ACTN1: variants seen among roughly 807,000 people sequenced by gnomAD.
The protein encoded by ACTN1 is actinin alpha 1.
A neutral mutation model predicts 119.6 loss-of-function variants in ACTN1; 30 were observed. The ratio of observed to expected loss-of-function variants is 0.25; its 90% confidence interval spans 0.19 to 0.34. The LOEUF (loss-of-function observed/expected upper bound fraction) is 0.34. ACTN1 is among the 10% of genes least tolerant of loss of function. ACTN1 has a pLI of 1.00. For synonymous variants in ACTN1, 429 were observed against 472.6 expected, an observed-to-expected ratio of 0.91 and a Z score of 1.20; for missense variants, 764 against 1,223.4, an observed-to-expected ratio of 0.62 and a Z score of 5.60.
At chr14:68,945,174 A>AAAAGAAAGAAAG (rs113626109) in intron 1 of ACTN1, among the ~76,000 whole-genome samples, 1 of 150,664 alleles carries the variant, frequency 6.6e-6, no homozygotes, top group African/African-American at 2.5e-5. Flanking sequence ...AAAAAAAAAA[A>AAAAGAAAGAAAG]AAAGAAAGAA....
intron 8 of ACTN1, among the ~76,000 whole-genome samples, chr14:68,902,232 G>A (rs2033388885): frequency 6.6e-6 from 1 of 152,214 alleles, no homozygotes; most frequent in African/African-American, 2.4e-5. Context: ...AGTCATCTGG[G>A]TCCCAGAAAG....
At chr14:68,896,705 G>C (rs910453601) in intron 8 of ACTN1, among the ~76,000 whole-genome samples, 2 of 152,180 alleles carry the variant, frequency 1.3e-5, no homozygotes, top group Non-Finnish European at 2.9e-5. Context: ...CTTCAGAAGA[G>C]AACCCCGGGA....
chr14:68,875,000 G>C lies in ACTN1; in HGVS notation c.2604C>G (p.Asp868Glu). Residue 868 changes from aspartate to glutamate, a missense_variant, in exon 22 of 22, where the codon GAC becomes GAG. Transcript: ENST00000394419. ...LAGDKNYITM[D>E]ELRRELPPDQ... is the part of the protein sequence containing the mutation. ...CGGGTGGCAGCTCGCGGCGCAGCTCGTCCATGGTAATGTAGTTCTGCGAGG... is the reference window on the plus strand; with the variant it reads ...CGGGTGGCAGCTCGCGGCGCAGCTCCTCCATGGTAATGTAGTTCTGCGAGG... 1 of 1,613,518 alleles carries C rather than the reference G, an allele frequency of 6.2e-7. No homozygotes were observed. The highest frequency in any genetic ancestry group is 8.5e-7 in the Non-Finnish European group (1 of 1,180,008).
At chr14:68,908,436 T>G (rs926396309) in intron 6 of ACTN1, among the ~76,000 whole-genome samples, 2 of 151,924 alleles carry the variant, frequency 1.3e-5, no homozygotes, top group Admixed American at 1.3e-4. Flanking sequence ...AGCATCAAGG[T>G]GAAGTAGAGA....
chr14:68,883,764 T>G (rs953403518), intron 14 of ACTN1, among the ~76,000 whole-genome samples: 1 of 152,018 alleles, frequency 6.6e-6, no homozygotes, highest in Non-Finnish European at 1.5e-5. Context: ...GGTGACAGAG[T>G]GAGACCTTGT....
At position 68,882,488 on chromosome 14, in the gene ACTN1, G is replaced by A; in HGVS notation, c.1923C>T (p.Val641=). Residue 641 remains valine (V), a synonymous_variant, in exon 16 of 22, where the codon GTC becomes GTT. Transcript: ENST00000394419. This position sits in a 1 kb window ranked among gnomAD's most constrained non-coding sequence, Gnocchi z 4.5. The part of the protein sequence containing the change: ...LRKQFGAQAN[V]IGPWIQTKME... ...TCTTGGTCTGGATCCAGGGCCCGAT[G>A]ACATTGGCCTGGGCTCCAAACTGCT... The A allele has an allele frequency of 1.9e-6, 3 of 1,614,194 alleles. No homozygotes were observed. The highest frequency in any genetic ancestry group is 2.5e-6 in the Non-Finnish European group (3 of 1,180,030).
chr14:68,899,393 ACCT>A (rs1357176517), intron 8 of ACTN1, among the ~76,000 whole-genome samples: 3 of 143,022 alleles, frequency 2.1e-5, no homozygotes, highest in African/African-American at 5.3e-5. Context: ...TCATACACAC[ACCT>A]CACACACTAC....
chr14:68,962,997 T>C (rs2036588721), intron 1 of ACTN1, among the ~76,000 whole-genome samples: 1 of 152,166 alleles, frequency 6.6e-6, no homozygotes, highest in Middle Eastern at 3.4e-3. Context: ...CTCCCAAATA[T>C]CTTTCACTCC....
chr14:68,963,456 C>CTTTT (rs1278438718), intron 1 of ACTN1, among the ~76,000 whole-genome samples: 1 of 152,220 alleles, frequency 6.6e-6, no homozygotes, highest in Non-Finnish European at 1.5e-5. Context: ...GAAATGTCAA[C>CTTTT]TTTAAAAAAA....
chr14:68,902,835 A>C (rs188056038), intron 7 of ACTN1, among the ~76,000 whole-genome samples: 1 of 152,292 alleles, frequency 6.6e-6, no homozygotes, highest in East Asian at 1.9e-4. Flanking sequence ...GGCAGGAATA[A>C]AAGGGGTCAA....
chr14:68,940,377 A>C (rs1301649774), intron 1 of ACTN1, among the ~76,000 whole-genome samples: 1 of 152,184 alleles, frequency 6.6e-6, no homozygotes, highest in Non-Finnish European at 1.5e-5. Context: ...GGGGTCTGGC[A>C]GACTCTGGCC....
chr14:68,878,682 G>A lies in ACTN1; in HGVS notation c.2362-159C>T, dbSNP rs770524872. ...GGTAAAGGAACATAGGAGAAGATGCGAACACACATCGGTGGAAATGTCCAA... is the reference window on the plus strand; with the variant it reads ...GGTAAAGGAACATAGGAGAAGATGCAAACACACATCGGTGGAAATGTCCAA... On this transcript the variant is annotated intron_variant, in intron 19 of 21. Transcript: ENST00000394419. The surrounding 1 kb of genome is among the most constrained non-coding windows in gnomAD (Gnocchi z 4.4). 19 of 1,540,276 alleles carry A rather than the reference G, an allele frequency of 1.2e-5. No homozygotes were observed. In the South Asian group the frequency reaches 1.3e-4, roughly 11 times the overall value.
In ACTN1 at chr14:68,897,011, C is replaced by A. The variant is rs554197429; in HGVS notation, c.763-3264G>T. On this transcript the variant is annotated intron_variant, in intron 8 of 21. Transcript: ENST00000394419. ...GTTTTTTTGTTTTTTGAGACAGAAT[C>A]TTGCTCTGTCACCCAGGCTGGAGTG... Among the ~76,000 whole-genome samples, 8 of 152,278 alleles carry A rather than the reference C, an allele frequency of 5.3e-5. No homozygotes were observed. In the East Asian group the frequency reaches 1.5e-3, roughly 29 times the overall value.
intron 6 of ACTN1, among the ~76,000 whole-genome samples, chr14:68,906,530 A>G (rs1193047347): frequency 1.3e-5 from 2 of 152,208 alleles, no homozygotes; most frequent in Non-Finnish European, 2.9e-5. Context: ...GAGGATGAAC[A>G]CTGCCGAGTA....
In ACTN1 at chr14:68,879,089, G is replaced by C; in HGVS notation, c.2281-20C>G. Reference sequence around the variant, plus strand: ...GTGATCCTGGGGCCGCGGTGCGCCAGGCAGCGAGCCATGCGGTGTCAGGGA... The same window carrying C: ...GTGATCCTGGGGCCGCGGTGCGCCACGCAGCGAGCCATGCGGTGTCAGGGA... On this transcript the variant is annotated intron_variant, in intron 18 of 21. Transcript: ENST00000394419. This position sits in a 1 kb window ranked among gnomAD's most constrained non-coding sequence, Gnocchi z 4.9. 6.3e-7 allele frequency: 1 copy of C among 1,596,338 alleles called. No individual in the cohort carries two copies. Among genetic ancestry groups the C allele is most frequent in the Non-Finnish European group, 8.5e-7 (1 of 1,170,392 alleles).
intron 2 of ACTN1, among the ~76,000 whole-genome samples, chr14:68,924,399 G>A (rs1459050662): frequency 6.6e-6 from 1 of 152,250 alleles, no homozygotes; most frequent in Non-Finnish European, 1.5e-5. Context: ...CATCTGGGGA[G>A]AGCTGCACGT....
In ACTN1 at chr14:68,892,215, G is replaced by A. The variant is rs765652494; in HGVS notation, c.924C>T (p.Ala308=). The change falls in exon 10 of 22, where the codon GCC becomes GCT. Residue 308 remains alanine, a synonymous_variant. Transcript: ENST00000394419. The part of the protein sequence containing the change: ...ENRVPENTMH[A]MQQKLEDFRD... ...GGAAGTCCTCCAGCTTCTGTTGCAT[G>A]GCATGCATGGTGTTCTCGGGCACCC... 51 of 1,614,106 alleles carry A rather than the reference G, an allele frequency of 3.2e-5. No individual in the cohort carries two copies. Among genetic ancestry groups the A allele is most frequent in the Non-Finnish European group, 4.2e-5 (49 of 1,180,048 alleles).
chr14:68,947,589 T>A (rs1295341064), intron 1 of ACTN1: 3 of 152,246 alleles, frequency 2.0e-5, no homozygotes, highest in Admixed American at 2.0e-4. Flanking sequence ...CAAGGTGAAG[T>A]CTTCTGCAGG....
intron 1 of ACTN1, among the ~76,000 whole-genome samples, chr14:68,974,960 C>G (rs1276000581): frequency 6.6e-6 from 1 of 152,256 alleles, no homozygotes; most frequent in Admixed American, 6.5e-5. Context: ...TTGAGCCAGA[C>G]TGATGGTTTA....
Sources: allele counts gnomAD v4.1 joint callset (sites outside exome capture counted in the v4.1 genomes callset), GRCh38; gene constraint gnomAD v4.1.1; non-coding constraint Gnocchi (gnomAD v3.1); transcripts MANE v1.5; gene names NCBI Gene and HGNC (gene_info 2026-07-23, HGNC 2026-07-21).